Variants in KYAT3 observed in about 807,000 individuals in gnomAD.
The protein encoded by KYAT3 is kynurenine aminotransferase 3.
KYAT3 carries 50 observed loss-of-function variants against 59.0 expected under a neutral mutation model. The observed-to-expected ratio is 0.85, with a 90% CI of 0.68 to 1.07. The LOEUF (loss-of-function observed/expected upper bound fraction) is 1.07, where lower values mean the gene tolerates loss of function less well. Ranked by LOEUF, KYAT3 falls within the 50% of genes least tolerant of loss-of-function variation. The probability of loss-of-function intolerance (pLI) is 0.00; values close to 1 mark genes in which losing one functional copy is unlikely to be tolerated. For synonymous variants in KYAT3, 148 were observed against 177.0 expected (o/e 0.84, Z 1.30); for missense variants, 497 against 533.3 (o/e 0.93, Z 0.67).
intron 2 of KYAT3, chr1:88,982,870 T>C: frequency 1.2e-6 from 2 of 1,613,964 alleles, no homozygotes; most frequent in Admixed American, 1.7e-5. Flanking sequence ...TTCCACCATA[T>C]CCATCACGTG....
intron 11 of KYAT3, 25 bp downstream of exon 11, chr1:88,949,066 T>A: frequency 6.7e-7 from 1 of 1,482,160 alleles, no homozygotes; most frequent in Non-Finnish European, 8.9e-7. Flanking sequence ...TCCGTATAGT[T>A]GAAATAATAA....
chr1:88,990,361 C>T (rs1677715651), intron 1 of KYAT3, among the ~76,000 whole-genome samples: 1 of 152,166 alleles, frequency 6.6e-6, no homozygotes. Context: ...TCTCCTTTTC[C>T]TCAATCTACG....
intron 8 of KYAT3, among the ~76,000 whole-genome samples, chr1:88,957,928 C>T (rs975676847): frequency 6.6e-6 from 1 of 152,162 alleles, no homozygotes; most frequent in East Asian, 1.9e-4. Context: ...CAATTTAAAA[C>T]ATGATAACAT....
intron 2 of KYAT3, among the ~76,000 whole-genome samples, chr1:88,973,542 T>G (rs1676640024): frequency 3.3e-5 from 5 of 152,184 alleles, no homozygotes; most frequent in Admixed American, 3.3e-4. Context: ...TCTATAAGGC[T>G]TGTATAACTT....
At chr1:88,941,259 A>T (rs1675225273) in intron 13 of KYAT3, among the ~76,000 whole-genome samples, 1 of 152,178 alleles carries the variant, frequency 6.6e-6, no homozygotes, top group African/African-American at 2.4e-5. Context: ...TATTCTGAGC[A>T]AGTCTGGCTA....
In KYAT3 at chr1:88,943,342, A is replaced by C. The variant is rs1675312007; in HGVS notation, c.1215+8T>G. ...TAACAGAATCTTGCAAAGAACAATA[A>C]ACATTACCTTATGTTTAGTCATCCA... is the stretch of plus-strand genomic sequence containing the variant. On this transcript the variant is annotated splice_region_variant and intron_variant, in intron 12 of 13. Transcript: ENST00000260508. The C allele has an allele frequency of 6.9e-7, 1 of 1,458,876 alleles. No homozygotes were observed. The highest frequency in any genetic ancestry group is 9.5e-7 in the Non-Finnish European group (1 of 1,051,350). The allele number at this position is 1,458,876 out of a possible 1,614,324, so 90.4% of individuals were successfully genotyped here.
chr1:88,964,157 G>A (rs1049266031), intron 5 of KYAT3, among the ~76,000 whole-genome samples: 8 of 152,110 alleles, frequency 5.3e-5, no homozygotes, highest in African/African-American at 1.9e-4. Flanking sequence ...GACCAAGATC[G>A]TGCCACTGCA....
At position 88,936,136 on chromosome 1, in the gene KYAT3, T is replaced by G; in HGVS notation, c.*47A>C. On this transcript the variant is annotated 3_prime_UTR_variant, in exon 14 of 14. Transcript: ENST00000260508. ...AGCAGGTGGCAGCACTAAGTAACAATTCCATACTAGGTCATCTAACAGAAA... is the reference window on the plus strand; with the variant it reads ...AGCAGGTGGCAGCACTAAGTAACAAGTCCATACTAGGTCATCTAACAGAAA... The G allele has an allele frequency of 7.6e-7, 1 of 1,314,916 alleles. No homozygotes were observed. The highest frequency in any genetic ancestry group is 1.1e-6 in the Non-Finnish European group (1 of 924,028). 81.5% of individuals were successfully genotyped at this position (1,314,916 alleles called of 1,614,324 possible).
intron 8 of KYAT3, among the ~76,000 whole-genome samples, chr1:88,960,277 T>C (rs903585104): frequency 6.6e-6 from 1 of 151,906 alleles, no homozygotes; most frequent in Non-Finnish European, 1.5e-5. Context: ...TTTTTAGTCA[T>C]CCTTCTCTTA....
At chr1:88,968,113 T>G (rs1431189682) in intron 4 of KYAT3, among the ~76,000 whole-genome samples, 2 of 152,166 alleles carry the variant, frequency 1.3e-5, no homozygotes, top group African/African-American at 4.8e-5. Context: ...ACAGGCTTCC[T>G]CCTATACCAT....
At chr1:88,983,513 G>A (rs756560445) in intron 2 of KYAT3, 5 of 1,614,134 alleles carry the variant, frequency 3.1e-6, no homozygotes, top group East Asian at 4.5e-5. Flanking sequence ...ACCTCTTGGA[G>A]GACCTCTACT....
intron 13 of KYAT3, among the ~76,000 whole-genome samples, chr1:88,936,540 C>T (rs568898397): frequency 6.6e-4 from 101 of 152,274 alleles, no homozygotes; most frequent in African/African-American, 2.3e-3. Flanking sequence ...TCAAGATAAC[C>T]TTTTATGGCA....
chr1:88,930,391 C>T, the KYAT3 span, among the ~76,000 whole-genome samples: 543 of 152,284 alleles, frequency 3.6e-3, 1 homozygote, highest in Non-Finnish European at 4.4e-3. Context: ...CACATTTCTT[C>T]CAGACAATGA....
intron 11 of KYAT3, among the ~76,000 whole-genome samples, chr1:88,948,837 G>C (rs1223393920): frequency 1.3e-5 from 2 of 152,182 alleles, no homozygotes; most frequent in African/African-American, 4.8e-5. Flanking sequence ...CACCAGAAGA[G>C]AGTGATAGCA....
chr1:88,955,101 A>G (rs1303150652), intron 9 of KYAT3, 48 bp downstream of exon 9: 2 of 1,237,910 alleles, frequency 1.6e-6, no homozygotes. Flanking sequence ...CAAAAAATAA[A>G]TAATATACAG....
rs1677154149 is a variant in KYAT3 at position 88,982,657 on chromosome 1, G to A, written c.99+5595C>T. ...TGGTCCAAAGTTTTGTTTGTTTCTA[G>A]TATCTGCTTCTGCCTCCCCCTCTAT... is the stretch of plus-strand genomic sequence containing the variant. On this transcript the variant is annotated intron_variant, in intron 2 of 13. Coordinates refer to ENST00000260508, the MANE Select transcript of KYAT3 (RefSeq NM_001008661.3). 1.9e-6 allele frequency: 3 copies of A among 1,593,722 alleles called. No homozygotes were observed. The Admixed American group carries it at 5.4e-5, about 28-fold the overall frequency.
downstream of KYAT3, among the ~76,000 whole-genome samples, chr1:88,933,853 C>G (rs574174567): frequency 1.3e-5 from 2 of 152,158 alleles, no homozygotes; most frequent in Non-Finnish European, 2.9e-5. Flanking sequence ...CCTGAGCTTC[C>G]TTCTAGATGG....
chr1:88,981,974 C>A (rs902148325), intron 2 of KYAT3: 3 of 984,272 alleles, frequency 3.0e-6, no homozygotes, highest in African/African-American at 1.7e-5. Flanking sequence ...TTGGTTTTGG[C>A]CAAACTTTTT....
At chr1:88,982,803 C>T in intron 2 of KYAT3, 1 of 1,613,976 alleles carries the variant, frequency 6.2e-7, no homozygotes, top group Non-Finnish European at 8.5e-7. Flanking sequence ...TCTTGTCTGC[C>T]AACCCTGTCA....
Sources: allele counts gnomAD v4.1 joint callset (sites outside exome capture counted in the v4.1 genomes callset), GRCh38; gene constraint gnomAD v4.1.1; transcripts MANE v1.5; gene names NCBI Gene and HGNC (gene_info 2026-07-23, HGNC 2026-07-21).